PARP8: variants seen among roughly 807,000 people sequenced by gnomAD.
The protein encoded by PARP8 is poly(ADP-ribose) polymerase family member 8, also known as protein mono-ADP-ribosyltransferase PARP8.
A neutral mutation model predicts 124.1 loss-of-function variants in PARP8; 51 were observed. The ratio of observed to expected loss-of-function variants is 0.41; its 90% CI spans 0.33 to 0.52. The LOEUF is 0.52. Ranked by LOEUF, PARP8 falls within the 20% of genes least tolerant of loss-of-function variation. PARP8 has a pLI of 0.21. For missense variants in PARP8, 860 were observed against 1,018.9 expected, an observed-to-expected ratio of 0.84 and a Z score of 2.12; for synonymous variants, 391 against 361.5, an observed-to-expected ratio of 1.08 and a Z score of -0.93.
intron 3 of PARP8, 21 bp from the exon 4 acceptor site, chr5:50,759,622 C>CTTTTTTTTTTTTTTTTTTTTTTTTT: frequency 7.5e-7 from 1 of 1,326,272 alleles, no homozygotes; most frequent in Non-Finnish European, 9.8e-7. Context: ...CTTTCATTAT[C>CTTTTTTTTTTTTTTTTTTTTTTTTT]TTTTTTTTTT....
chr5:50,829,934 A>G lies in PARP8; in HGVS notation c.2206A>G (p.Met736Val). The G allele has an allele frequency of 1.9e-6, 3 of 1,609,224 alleles. No individual in the cohort carries two copies. The highest frequency in any genetic ancestry group is 1.3e-5 in the African/African-American group (1 of 74,954). The change falls in exon 22 of 26, where the codon ATG becomes GTG. Residue 736 changes from methionine (M) to valine (V), a missense_variant. Met to Val is a conservative substitution (Grantham distance 21, BLOSUM62 1). Transcript: ENST00000281631. ...TGGAAGTGGAATCTATCTTAGTCCA[A>G]TGTCAAGCATATCATTTGGTTACTC... ...MYGSGIYLSPMSSISFGYSGM... is the reference protein window; with the variant it reads ...MYGSGIYLSPVSSISFGYSGM...
At chr5:50,745,545 G>C (rs1758451499) in intron 2 of PARP8, among the ~76,000 whole-genome samples, 1 of 152,164 alleles carries the variant, frequency 6.6e-6, no homozygotes, top group Non-Finnish European at 1.5e-5. Context: ...CTCCCAGCTA[G>C]TAAGCCTCAA....
intron 2 of PARP8, among the ~76,000 whole-genome samples, chr5:50,745,229 A>G (rs1367333048): frequency 6.6e-6 from 1 of 152,256 alleles, no homozygotes; most frequent in Non-Finnish European, 1.5e-5. Flanking sequence ...CAATACGACC[A>G]TAAAATAAAA....
upstream of PARP8, chr5:50,666,591 G>C (rs1351685807): frequency 1.3e-5 from 2 of 149,334 alleles, no homozygotes; most frequent in African/African-American, 4.9e-5. Flanking sequence ...CGCTGCAGCA[G>C]CCTGGGCACG....
At chr5:50,816,879 A>G (rs1745163947) in intron 15 of PARP8, among the ~76,000 whole-genome samples, 1 of 152,146 alleles carries the variant, frequency 6.6e-6, no homozygotes, top group Non-Finnish European at 1.5e-5. Context: ...TCCCTTGGAA[A>G]TAATATTGCT....
chr5:50,823,469 C>T (rs1052286945), intron 17 of PARP8, among the ~76,000 whole-genome samples: 1 of 152,122 alleles, frequency 6.6e-6, no homozygotes, highest in Non-Finnish European at 1.5e-5. Flanking sequence ...ATCACCATCC[C>T]TTTGGGTTAT....
At chr5:50,802,055 C>T (rs1332656884) in intron 14 of PARP8, among the ~76,000 whole-genome samples, 1 of 152,072 alleles carries the variant, frequency 6.6e-6, no homozygotes, top group Non-Finnish European at 1.5e-5. Flanking sequence ...GTTTTAAATC[C>T]TTGCTAATCT....
In PARP8 at chr5:50,755,951, TG is replaced by T. The variant is rs1194279285; in HGVS notation, c.185-3689del. Among the ~76,000 whole-genome samples the T allele has an allele frequency of 1.6e-4, 24 of 152,298 alleles. No individual in the cohort carries two copies. In the East Asian group the frequency reaches 4.2e-3, roughly 27 times the overall value. On this transcript the variant is annotated intron_variant, in intron 3 of 25. Coordinates refer to ENST00000281631, the MANE Select transcript of PARP8 (RefSeq NM_024615.4). Reference sequence around the variant, plus strand: ...TTATTCTCTTTGAAGCAATTATGAATGGGAGTTCACTCATGATTTGGCTCTC... The same window carrying T: ...TTATTCTCTTTGAAGCAATTATGAATGGAGTTCACTCATGATTTGGCTCTC...
rs558571285 is a variant in PARP8, at chr5:50,785,714, G to A, written c.671-2809G>A. The stretch of plus-strand genomic sequence containing the variant: ...TTAGGAAACGAACTAATTTTTTGGG[G>A]ATACAAACACCCAATTTCCTTGATT... On this transcript the variant is annotated intron_variant, in intron 9 of 25. Transcript: ENST00000281631. 1.3e-4 allele frequency among the ~76,000 whole-genome samples: 20 copies of A among 152,168 alleles called. No individual in the cohort carries two copies. In the East Asian group the frequency reaches 3.5e-3, roughly 26 times the overall value.
In PARP8 at chr5:50,843,512, A is replaced by G. The variant is rs183385121; in HGVS notation, c.*1444A>G. ...GCAGTTTAGGAAGTGTTTTCTAATA[A>G]TTTGTTTTGTTATATTGCAAATAAT... On this transcript the variant is annotated 3_prime_UTR_variant, in exon 26 of 26. Transcript: ENST00000281631. 7 of 151,872 alleles carry G rather than the reference A, an allele frequency of 4.6e-5. No individual in the cohort carries two copies. The highest frequency in any genetic ancestry group is 1.4e-4 in the African/African-American group (6 of 41,496). 9.4% of individuals were successfully genotyped at this position (151,872 alleles called of 1,614,324 possible).
Position 50,794,863 on chromosome 5 carries a change from T to C in PARP8, c.874T>C (p.Tyr292His). 1 of 1,612,734 alleles carries C rather than the reference T, an allele frequency of 6.2e-7. No individual in the cohort carries two copies. Among genetic ancestry groups the C allele is most frequent in the Non-Finnish European group, 8.5e-7 (1 of 1,179,016 alleles). The change falls in exon 12 of 26, where the codon TAT becomes CAT. Residue 292 changes from tyrosine to histidine, a missense_variant. Coordinates refer to ENST00000281631, the MANE Select transcript of PARP8 (RefSeq NM_024615.4). ...LFSTLRRSPS[Y>H]PPPGCGKSKS... ...TGTTCAATTTTGAAGGTCGCCAAGT[T>C]ATCCTCCCCCTGGTTGTGGCAAAAG...
intron 18 of PARP8, 38 bp from the exon 19 acceptor site, chr5:50,826,717 G>A (rs1381245413): frequency 6.4e-7 from 1 of 1,550,562 alleles, no homozygotes; most frequent in Non-Finnish European, 8.6e-7. Flanking sequence ...AAATATATTT[G>A]GCATGTATTT....
chr5:50,830,221 T>C (rs909779362), intron 22 of PARP8, among the ~76,000 whole-genome samples: 1 of 152,152 alleles, frequency 6.6e-6, no homozygotes, highest in Non-Finnish European at 1.5e-5. Flanking sequence ...CACAAATGAA[T>C]ATTGAGACTA....
intron 2 of PARP8, chr5:50,668,570 G>C (rs571139843): frequency 6.4e-6 from 1 of 155,674 alleles, no homozygotes; most frequent in Non-Finnish European, 1.4e-5. Context: ...TAAACATGCA[G>C]CCTGCCAATT....
intron 3 of PARP8, among the ~76,000 whole-genome samples, 160 bp from the exon 4 acceptor site, chr5:50,759,483 C>T (rs568220639): frequency 3.7e-4 from 57 of 152,246 alleles, no homozygotes; most frequent in African/African-American, 1.3e-3. Context: ...CATAAATCTG[C>T]AATTTACTTT....
intron 2 of PARP8, among the ~76,000 whole-genome samples, chr5:50,723,247 C>T (rs1265973871): frequency 6.6e-6 from 1 of 152,070 alleles, no homozygotes; most frequent in Non-Finnish European, 1.5e-5. Flanking sequence ...ACAAAACTCA[C>T]TCCAGAATTC....
At chr5:50,674,372 A>G (rs1244279548) in intron 2 of PARP8, among the ~76,000 whole-genome samples, 1 of 152,114 alleles carries the variant, frequency 6.6e-6, no homozygotes, top group Non-Finnish European at 1.5e-5. Context: ...GCCAACCTCT[A>G]CTTTGAAACA....
At position 50,759,661 on chromosome 5, in the gene PARP8, G is replaced by C. The variant is rs202064979; in HGVS notation, c.203G>C (p.Ser68Thr). ...EDYPDNTYVS[S>T]SENDEDVLVT... ...TTTGCAGATAATACATATGTGTCAAGTTCAGAGAATGATGAAGATGTGCTA... is the reference window on the plus strand; with the variant it reads ...TTTGCAGATAATACATATGTGTCAACTTCAGAGAATGATGAAGATGTGCTA... Residue 68 changes from serine to threonine, a missense_variant, in exon 4 of 26, where the codon AGT becomes ACT. By Grantham distance (58) the Ser-to-Thr change is moderately conservative. Coordinates refer to ENST00000281631, the MANE Select transcript of PARP8 (RefSeq NM_024615.4). The C allele has an allele frequency of 3.4e-6, 5 of 1,472,800 alleles. No homozygotes were observed. In the African/African-American group the frequency reaches 6.1e-5, roughly 18 times the overall value. 91.2% of individuals were successfully genotyped at this position (1,472,800 alleles called of 1,614,324 possible).
intron 2 of PARP8, among the ~76,000 whole-genome samples, chr5:50,708,227 C>T (rs1468719765): frequency 1.3e-5 from 2 of 152,046 alleles, no homozygotes; most frequent in Admixed American, 6.6e-5. Context: ...TTCTCCTCCA[C>T]CCTAGAGACC....
Sources: allele counts gnomAD v4.1 joint callset (sites outside exome capture counted in the v4.1 genomes callset), GRCh38; gene constraint gnomAD v4.1.1; transcripts MANE v1.5; gene names NCBI Gene and HGNC (gene_info 2026-07-23, HGNC 2026-07-21).